JAK1: variants seen among roughly 807,000 people sequenced by gnomAD.
JAK1 encodes the protein tyrosine-protein kinase JAK1.
Under a neutral mutation model 136.6 loss-of-function variants are expected in JAK1, and 16 were observed. That is an observed-to-expected ratio of 0.12 (90% CI 0.08 to 0.18). JAK1 has a LOEUF of 0.18. JAK1 is among the 10% of genes least tolerant of loss of function. JAK1 has a pLI of 1.00. For synonymous variants in JAK1, 492 were observed against 519.5 expected (o/e 0.95, Z 0.72); for missense variants, 859 against 1,450.1 (o/e 0.59, Z 6.62).
chr1:65,034,951 G>T (rs528481333), intron 2 of JAK1, among the ~76,000 whole-genome samples: 1 of 152,140 alleles, frequency 6.6e-6, no homozygotes, highest in Non-Finnish European at 1.5e-5. Flanking sequence ...AGCTACTCAG[G>T]AGGCTGAGGC....
chr1:64,871,671 C>A (rs550240142), intron 5 of JAK1, among the ~76,000 whole-genome samples: 2 of 152,330 alleles, frequency 1.3e-5, no homozygotes, highest in African/African-American at 4.8e-5. Context: ...TCCTCAAATT[C>A]TCTCAGCTTC....
chr1:64,849,525 A>G (rs1655453574), intron 12 of JAK1, among the ~76,000 whole-genome samples: 1 of 152,188 alleles, frequency 6.6e-6, no homozygotes, highest in East Asian at 1.9e-4. Context: ...CTGCTTTGAT[A>G]CCGCTTCCCC....
chr1:65,031,414 C>T (rs1647022825), intron 2 of JAK1, among the ~76,000 whole-genome samples: 1 of 151,748 alleles, frequency 6.6e-6, no homozygotes, highest in Non-Finnish European at 1.5e-5. Context: ...AAATAACTGC[C>T]CTGTACTTTT....
At chr1:64,977,602 T>G (rs552447721) in intron 2 of JAK1, among the ~76,000 whole-genome samples, 75 of 152,082 alleles carry the variant, frequency 4.9e-4, no homozygotes, top group Non-Finnish European at 6.5e-4. Flanking sequence ...GGCTAATTTT[T>G]TGTGTTTTTA....
At chr1:64,956,706 T>C (rs1005499317) in intron 1 of JAK1, among the ~76,000 whole-genome samples, 2 of 152,180 alleles carry the variant, frequency 1.3e-5, no homozygotes, top group Admixed American at 6.5e-5. Context: ...TGTCTGAAAC[T>C]GTGCAACCAG....
intron 1 of JAK1, among the ~76,000 whole-genome samples, chr1:64,893,584 T>C (rs1309909723): frequency 6.6e-6 from 1 of 152,208 alleles, no homozygotes. Flanking sequence ...TACAGGGTTG[T>C]TGTGATGATG....
chr1:64,880,429 C>G (rs1408198227), intron 3 of JAK1, among the ~76,000 whole-genome samples: 1 of 152,070 alleles, frequency 6.6e-6, no homozygotes, highest in Admixed American at 6.5e-5. Context: ...GGGCTGGAAA[C>G]CCAGCCTTTC....
intron 2 of JAK1, among the ~76,000 whole-genome samples, chr1:65,009,197 A>G (rs1557756035): frequency 6.6e-6 from 1 of 152,228 alleles, no homozygotes; most frequent in Non-Finnish European, 1.5e-5. Context: ...ATGTAAAGCT[A>G]TAATCACTAA....
chr1:64,863,131 A>G (rs1431085458), intron 8 of JAK1, among the ~76,000 whole-genome samples: 1 of 151,222 alleles, frequency 6.6e-6, no homozygotes, highest in Non-Finnish European at 1.5e-5. Flanking sequence ...CCTAATACCC[A>G]GGATGCAGCA....
At chr1:65,058,469 G>A (rs1331322533) in intron 1 of JAK1, 1 of 534,226 alleles carries the variant, frequency 1.9e-6, no homozygotes, top group South Asian at 1.4e-5. Context: ...TGTACCTTTA[G>A]AATAGACAGC....
chr1:64,936,689 G>A (rs1315001715), intron 1 of JAK1, among the ~76,000 whole-genome samples: 1 of 152,082 alleles, frequency 6.6e-6, no homozygotes, highest in Admixed American at 6.6e-5. Flanking sequence ...CTAAAAAGCA[G>A]GAAAACACTA....
At chr1:64,902,506 T>C (rs1179275845) in intron 1 of JAK1, among the ~76,000 whole-genome samples, 3 of 150,342 alleles carry the variant, frequency 2.0e-5, no homozygotes, top group Non-Finnish European at 4.4e-5. Flanking sequence ...GATCTGAGTA[T>C]ATAACATGAG....
At chr1:64,955,736 C>T (rs1247782169) in intron 1 of JAK1, among the ~76,000 whole-genome samples, 3 of 152,160 alleles carry the variant, frequency 2.0e-5, no homozygotes, top group Non-Finnish European at 4.4e-5. Context: ...ACATAGAGTG[C>T]GCAATGATAG....
chr1:65,047,275 AACT>A (rs1425787566), intron 1 of JAK1, among the ~76,000 whole-genome samples: 1 of 152,194 alleles, frequency 6.6e-6, no homozygotes, highest in Admixed American at 6.5e-5. Context: ...AATTAAAAAT[AACT>A]ACTTCCCCTT....
chr1:65,021,521 C>T (rs938038161), intron 2 of JAK1, among the ~76,000 whole-genome samples: 4 of 152,132 alleles, frequency 2.6e-5, no homozygotes, highest in Admixed American at 6.6e-5. Flanking sequence ...AACTTCGTTG[C>T]GTGTAGGATA....
intron 2 of JAK1, among the ~76,000 whole-genome samples, chr1:65,037,215 A>G (rs184366120): frequency 6.6e-6 from 1 of 152,290 alleles, no homozygotes; most frequent in Admixed American, 6.5e-5. Context: ...AACAATTGAG[A>G]AAAAAGCTAT....
At chr1:64,943,621 G>C (rs75236899) in intron 1 of JAK1, among the ~76,000 whole-genome samples, 1,537 of 152,114 alleles carry the variant, frequency 0.01, 63 homozygotes, top group East Asian at 0.077. Context: ...AAGTCTAAGA[G>C]TTAAATATTT....
intron 1 of JAK1, among the ~76,000 whole-genome samples, chr1:65,052,875 A>G (rs12566103): frequency 1.4e-5 from 2 of 147,490 alleles, no homozygotes; most frequent in Admixed American, 1.4e-4. Context: ...AAAAAAAAAA[A>G]AAAAAATTAG....
Position 64,864,665 on chromosome 1 carries a change from T to A in JAK1, c.1176+122A>T, listed in dbSNP as rs904214323. 3 of 808,672 alleles carry A rather than the reference T, an allele frequency of 3.7e-6. No individual in the cohort carries two copies. The East Asian group carries it at 8.0e-5, about 22-fold the overall frequency. 50.1% of individuals were successfully genotyped at this position (808,672 alleles called of 1,614,324 possible). On this transcript the variant is annotated intron_variant, in intron 8 of 24. Coordinates refer to ENST00000342505, the MANE Select transcript of JAK1 (RefSeq NM_002227.4). ...GGTAATAGGAACTTTTTGGCTTCAA[T>A]AAGAAAATCCTGTTTTCTCTTTAGG...
Sources: allele counts gnomAD v4.1 joint callset (sites outside exome capture counted in the v4.1 genomes callset), GRCh38; gene constraint gnomAD v4.1.1; transcripts MANE v1.5; gene names NCBI Gene and HGNC (gene_info 2026-07-23, HGNC 2026-07-21).